The following SMARCA1 variants were observed in gnomAD, a reference collection of about 807,000 sequenced individuals.
SMARCA1 encodes the protein SWI/SNF-related matrix-associated actin-dependent regulator of chromatin subfamily A member 1.
Under a neutral mutation model 93.6 loss-of-function variants are expected in SMARCA1, and 17 were observed. That is an observed-to-expected ratio of 0.18 (90% CI 0.12 to 0.27). The LOEUF (loss-of-function observed/expected upper bound fraction) is 0.27, where lower values mean the gene tolerates loss of function less well. SMARCA1 is among the 10% of genes least tolerant of loss of function. SMARCA1 has a pLI of 1.00. For synonymous variants in SMARCA1, 271 were observed against 271.4 expected (o/e 1.00, Z 0.01); for missense variants, 630 against 819.0 (o/e 0.77, Z 2.82).
chrX:129,457,240 T>G (rs1426326157), intron 23 of SMARCA1, among the ~76,000 whole-genome samples: 1 of 112,455 alleles, frequency 8.9e-6, no homozygotes, highest in African/African-American at 3.2e-5. Context: ...GTAAGTACTT[T>G]TTCAGACATA....
At position 129,480,721 on chromosome X, in the gene SMARCA1, G is replaced by A. The variant is rs144031700; in HGVS notation, c.2422C>T (p.Arg808Trp). The A allele has an allele frequency of 2.6e-5, 29 of 1,096,822 alleles. No individual in the cohort carries two copies. The highest frequency in any genetic ancestry group is 3.2e-5 in the Non-Finnish European group (27 of 833,824). 90.4% of individuals were successfully genotyped at this position (1,096,822 alleles called of 1,213,427 possible). Residue 808 changes from arginine to tryptophan, a missense_variant, in exon 19 of 25, where the codon CGG becomes TGG. By Grantham distance (101) the Arg-to-Trp change is moderately radical. Coordinates refer to ENST00000371121, the MANE Select transcript of SMARCA1 (RefSeq NM_001282874.2). ...AATACCTTATAGCCTATTGTCTTCC[G>A]ATAATAAAGAATTTCCTTTTCCAGG... Reference protein sequence around the residue: ...ELLEKEILYYRKTIGYKVPRN... With the variant: ...ELLEKEILYYWKTIGYKVPRN...
chrX:129,511,876 G>A lies in SMARCA1; in HGVS notation c.738C>T (p.Asn246=). The A allele has an allele frequency of 8.3e-7, 1 of 1,203,099 alleles. No individual in the cohort carries two copies. Among genetic ancestry groups the A allele is most frequent in the Non-Finnish European group, 1.1e-6 (1 of 888,180 alleles). The change falls in exon 6 of 25, where the codon AAC becomes AAT. Residue 246 remains asparagine, a synonymous_variant. Coordinates refer to ENST00000371121, the MANE Select transcript of SMARCA1 (RefSeq NM_001282874.2). Reference sequence around the variant, plus strand: ...CCCATCGTTTAAATTCATTCATCCAGTTGTGTAAAGTAGACTTTGGAACTA... The same window carrying A: ...CCCATCGTTTAAATTCATTCATCCAATTGTGTAAAGTAGACTTTGGAACTA... ...MVLVPKSTLH[N]WMNEFKRWVP...
chrX:129,521,439 C>T (rs1431783454), intron 1 of SMARCA1, among the ~76,000 whole-genome samples: 1 of 112,114 alleles, frequency 8.9e-6, no homozygotes, highest in Non-Finnish European at 1.9e-5. Context: ...TCCTGACATA[C>T]AGCACCTCAT....
intron 20 of SMARCA1, among the ~76,000 whole-genome samples, chrX:129,470,762 G>A (rs950615404): frequency 1.1e-4 from 12 of 110,979 alleles, no homozygotes; most frequent in Admixed American, 1.9e-4. Context: ...CCAGCTACTC[G>A]GGAGGCTTGG....
intron 17 of SMARCA1, among the ~76,000 whole-genome samples, chrX:129,482,230 T>C (rs1242437960): frequency 2.0e-5 from 2 of 98,841 alleles, no homozygotes; most frequent in East Asian, 3.3e-4. Flanking sequence ...TACCTAATGC[T>C]AAATGACGAG....
At chrX:129,487,173 C>A (rs188765874) in intron 16 of SMARCA1, 36 bp from the exon 17 acceptor site, 1 of 1,041,896 alleles carries the variant, frequency 9.6e-7, no homozygotes. Flanking sequence ...AAAATTATCA[C>A]TGAATTACTT....
chrX:129,504,810 G>T lies in SMARCA1; in HGVS notation c.1099-8C>A. 1 of 1,162,559 alleles carries T rather than the reference G, an allele frequency of 8.6e-7. No homozygotes were observed. Among genetic ancestry groups the T allele is most frequent in the Non-Finnish European group, 1.2e-6 (1 of 852,618 alleles). On this transcript the variant is annotated splice_polypyrimidine_tract_variant and splice_region_variant and intron_variant, in intron 8 of 24. Transcript: ENST00000371121. ...AAACCAAGAATCAAAGTCCTGTAGA[G>T]GGGTGGAAATTCTCCAATGAGTGCA...
chrX:129,523,047 G>T, intron 1 of SMARCA1, 150 bp downstream of exon 1: 1 of 597,664 alleles, frequency 1.7e-6, no homozygotes, highest in Non-Finnish European at 2.5e-6. Flanking sequence ...GCGAACGCCA[G>T]GCGGTTCCGC....
chrX:129,455,609 A>T (rs1040053856), intron 23 of SMARCA1, among the ~76,000 whole-genome samples: 14 of 108,704 alleles, frequency 1.3e-4, no homozygotes, highest in African/African-American at 4.7e-4. Context: ...GTATAATTTA[A>T]AAAAAAAAAG....
intron 6 of SMARCA1, among the ~76,000 whole-genome samples, chrX:129,508,494 T>TA (rs1233475775): frequency 2.7e-5 from 3 of 112,538 alleles, no homozygotes; most frequent in Admixed American, 9.4e-5. Context: ...ACCAACATGA[T>TA]ACAGTTTCAA....
intron 23 of SMARCA1, among the ~76,000 whole-genome samples, chrX:129,451,075 G>T (rs1569421434): frequency 1.8e-5 from 2 of 111,803 alleles, no homozygotes; most frequent in African/African-American, 6.5e-5. Flanking sequence ...ATACTCTAAT[G>T]TAACACTGGC....
chrX:129,470,073 T>C (rs1018012587), intron 20 of SMARCA1, among the ~76,000 whole-genome samples: 1 of 111,545 alleles, frequency 9.0e-6, no homozygotes, highest in Non-Finnish European at 1.9e-5. Flanking sequence ...AAAAAACCTA[T>C]ATAATAAATA....
At chrX:129,453,863 T>G (rs1932439574) in intron 23 of SMARCA1, among the ~76,000 whole-genome samples, 1 of 111,970 alleles carries the variant, frequency 8.9e-6, no homozygotes, top group Admixed American at 9.5e-5. Flanking sequence ...ATGGCCATAC[T>G]GCCCAAAGTA....
In SMARCA1 at chrX:129,486,862, A is replaced by G. The variant is rs747210295; in HGVS notation, c.2217+156T>C. ...ACGACGACGACGATAAACCAATAAA[A>G]TAAACGAAAGATATACCTTGCATGA... On this transcript the variant is annotated intron_variant, in intron 17 of 24. Transcript: ENST00000371121. Among the ~76,000 whole-genome samples the G allele has an allele frequency of 6.3e-5, 7 of 111,481 alleles. No individual in the cohort carries two copies. In the South Asian group the frequency reaches 2.3e-3, roughly 36 times the overall value.
chrX:129,520,796 C>A (rs1935360438), intron 1 of SMARCA1, among the ~76,000 whole-genome samples: 1 of 112,391 alleles, frequency 8.9e-6, no homozygotes, highest in Non-Finnish European at 1.9e-5. Context: ...CATAAACTAA[C>A]ATATTATTTC....
chrX:129,454,175 AAAAC>A (rs774500538), intron 23 of SMARCA1, among the ~76,000 whole-genome samples: 16 of 112,097 alleles, frequency 1.4e-4, no homozygotes, highest in Admixed American at 4.7e-4. Flanking sequence ...AAACCTGACA[AAAAC>A]AAGCAATGGG....
chrX:129,512,071 G>A, intron 5 of SMARCA1, 88 bp from the exon 6 acceptor site: 1 of 710,727 alleles, frequency 1.4e-6, no homozygotes, highest in East Asian at 3.3e-5. Flanking sequence ...AAAGATCTTT[G>A]TCCACTATCT....
chrX:129,506,500 A>G (rs993919622), intron 7 of SMARCA1, among the ~76,000 whole-genome samples: 1 of 109,064 alleles, frequency 9.2e-6, no homozygotes, highest in Admixed American at 9.8e-5. Context: ...AGACTTGCCA[A>G]CATGGTGAAA....
At chrX:129,522,967 C>A (rs1006136218) in intron 1 of SMARCA1, among the ~76,000 whole-genome samples, 3 of 111,305 alleles carry the variant, frequency 2.7e-5, no homozygotes, top group Non-Finnish European at 5.7e-5. Flanking sequence ...CCCCTCCACC[C>A]CGCGCCGCTC....
Sources: gnomAD v4.1 joint callset for allele counts (sites outside exome capture counted in the v4.1 genomes callset) on GRCh38, gnomAD v4.1.1 for gene constraint, MANE v1.5 for transcripts, NCBI Gene and HGNC (gene_info 2026-07-23, HGNC 2026-07-21) for gene names.